Variants in GPR158 observed in about 807,000 individuals in gnomAD.
GPR158 encodes the protein G protein-coupled receptor 158.
A neutral mutation model predicts 78.2 loss-of-function variants in GPR158; 30 were observed. The ratio of observed to expected loss-of-function variants is 0.38; its 90% CI spans 0.29 to 0.52. GPR158 has a LOEUF of 0.52. Ranked by LOEUF, GPR158 falls within the 20% of genes least tolerant of loss-of-function variation. GPR158 has a pLI of 0.83. For missense variants in GPR158, 1,463 were observed against 1,523.5 expected (o/e 0.96, Z 0.66); for synonymous variants, 581 against 591.1 (o/e 0.98, Z 0.25).
At chr10:25,490,549 T>C in intron 5 of GPR158, among the ~76,000 whole-genome samples, 1 of 147,092 alleles carries the variant, frequency 6.8e-6, no homozygotes, top group Admixed American at 6.9e-5. Context: ...GGTGTTTGGT[T>C]TTTTGTTCTT....
intron 2 of GPR158, among the ~76,000 whole-genome samples, chr10:25,333,498 C>A (rs1267970958): frequency 6.6e-6 from 1 of 152,146 alleles, no homozygotes; most frequent in African/African-American, 2.4e-5. Context: ...AATGTTAATT[C>A]TGTAGCATTT....
intron 6 of GPR158, among the ~76,000 whole-genome samples, chr10:25,554,760 G>A (rs1812197019): frequency 6.6e-6 from 1 of 152,140 alleles, no homozygotes; most frequent in Non-Finnish European, 1.5e-5. Flanking sequence ...TCGGGGTGAA[G>A]TGGCCTGTCC....
rs1405934269 is a variant in GPR158 at position 25,428,906 on chromosome 10, A to G, written c.1335+16433A>G. On this transcript the variant is annotated intron_variant, in intron 4 of 10. Coordinates refer to ENST00000376351, the MANE Select transcript of GPR158 (RefSeq NM_020752.3). ...TGCTAGGCTTGAAGTTTAGAGCAGT[A>G]TAATCATGCTTTTTGAATTAATTTC... is the stretch of plus-strand genomic sequence containing the variant. 1.4e-4 allele frequency among the ~76,000 whole-genome samples: 21 copies of G among 152,120 alleles called. 1 individual carries two copies. Among genetic ancestry groups the G allele is most frequent in the Admixed American group, 1.4e-3 (21 of 15,246 alleles).
intron 2 of GPR158, among the ~76,000 whole-genome samples, chr10:25,331,336 A>G (rs556270349): frequency 2.0e-5 from 3 of 152,300 alleles, no homozygotes; most frequent in South Asian, 4.1e-4. Flanking sequence ...AGGGATGACA[A>G]TTCTTCCTTA....
intron 2 of GPR158, among the ~76,000 whole-genome samples, chr10:25,375,159 A>T (rs909966316): frequency 2.0e-5 from 3 of 151,654 alleles, no homozygotes; most frequent in Admixed American, 2.0e-4. Context: ...ACATCTTTTC[A>T]TGTACTTATT....
In GPR158 at chr10:25,447,715, C is replaced by G. The variant is rs188590561; in HGVS notation, c.1336-18936C>G. 2.0e-5 allele frequency among the ~76,000 whole-genome samples: 3 copies of G among 152,316 alleles called. No individual in the cohort carries two copies. In the East Asian group the frequency reaches 5.8e-4, roughly 29 times the overall value. ...AAGTCTTGCAAATTGGTGGCACTGA[C>G]TTCATATATGTGAAGGTAATAAAGA... On this transcript the variant is annotated intron_variant, in intron 4 of 10. Transcript: ENST00000376351.
At chr10:25,394,509 GT>G (rs140329856) in intron 2 of GPR158, among the ~76,000 whole-genome samples, 6,727 of 152,184 alleles carry the variant, frequency 0.044, 178 homozygotes, top group African/African-American at 0.064. Flanking sequence ...TTTTTATTAG[GT>G]TCTGTACGCA....
At chr10:25,369,891 C>T (rs1407617329) in intron 2 of GPR158, among the ~76,000 whole-genome samples, 1 of 151,846 alleles carries the variant, frequency 6.6e-6, no homozygotes, top group Admixed American at 6.6e-5. Flanking sequence ...CTGGTTTAGT[C>T]TTGGGAGAGT....
intron 5 of GPR158, among the ~76,000 whole-genome samples, chr10:25,532,513 A>T (rs180703998): frequency 3.4e-4 from 52 of 152,026 alleles, no homozygotes; most frequent in African/African-American, 1.2e-3. Context: ...AGTTCTTAAG[A>T]TTCTCTTGCT....
At chr10:25,416,103 A>G (rs926699889) in intron 4 of GPR158, among the ~76,000 whole-genome samples, 4 of 152,188 alleles carry the variant, frequency 2.6e-5, no homozygotes, top group Non-Finnish European at 4.4e-5. Context: ...GAAATAATCC[A>G]TGTAAAATAC....
intron 2 of GPR158, among the ~76,000 whole-genome samples, chr10:25,378,166 C>T (rs542719308): frequency 6.6e-6 from 1 of 152,068 alleles, no homozygotes; most frequent in African/African-American, 2.4e-5. Flanking sequence ...ACTTGTCTAA[C>T]CAGCATTCAG....
intron 2 of GPR158, among the ~76,000 whole-genome samples, chr10:25,293,757 T>TG (rs1305156128): frequency 1.3e-5 from 2 of 152,042 alleles, no homozygotes; most frequent in Non-Finnish European, 2.9e-5. Context: ...TTTTTTTTTT[T>TG]TTTTCTGAGA....
chr10:25,472,485 T>A (rs537181850), intron 5 of GPR158, among the ~76,000 whole-genome samples: 47 of 152,358 alleles, frequency 3.1e-4, no homozygotes, highest in Non-Finnish European at 4.4e-4. Context: ...AATAGTTTTT[T>A]CCATTTCTGT....
chr10:25,476,501 C>A (rs1375312998), intron 5 of GPR158, among the ~76,000 whole-genome samples: 2 of 136,580 alleles, frequency 1.5e-5, no homozygotes, highest in Non-Finnish European at 3.1e-5. Context: ...GGTTGTTCCT[C>A]CCTACCCCGG....
intron 2 of GPR158, among the ~76,000 whole-genome samples, chr10:25,321,619 G>C (rs1237203490): frequency 2.6e-5 from 4 of 150,952 alleles, no homozygotes; most frequent in Non-Finnish European, 5.9e-5. Flanking sequence ...TTTTAATAAA[G>C]AATGCTTATA....
At chr10:25,452,514 G>A (rs184538501) in intron 4 of GPR158, among the ~76,000 whole-genome samples, 5 of 152,246 alleles carry the variant, frequency 3.3e-5, no homozygotes, top group Admixed American at 2.0e-4. Flanking sequence ...AGCATGTCAT[G>A]GCACTTGTCA....
At position 25,379,913 on chromosome 10, in the gene GPR158, C is replaced by T. The variant is rs560508741; in HGVS notation, c.1009-15998C>T. On this transcript the variant is annotated intron_variant, in intron 2 of 10. Transcript: ENST00000376351. The stretch of plus-strand genomic sequence containing the variant: ...CCTCCTTTTTTTTTTTACCTTGGAT[C>T]TTGGTCCCTCCATTTTGGCTTCACA... Among the ~76,000 whole-genome samples, 5 of 150,520 alleles carry T rather than the reference C, an allele frequency of 3.3e-5. No homozygotes were observed. In the East Asian group the frequency reaches 9.7e-4, roughly 29 times the overall value.
intron 5 of GPR158, among the ~76,000 whole-genome samples, chr10:25,525,111 G>C (rs1427651991): frequency 6.6e-6 from 1 of 152,074 alleles, no homozygotes; most frequent in African/African-American, 2.4e-5. Context: ...AAAAAAGATA[G>C]ATAAAAAAGA....
intron 2 of GPR158, among the ~76,000 whole-genome samples, chr10:25,326,603 A>G (rs1441146242): frequency 6.6e-6 from 1 of 152,168 alleles, no homozygotes; most frequent in Non-Finnish European, 1.5e-5. Flanking sequence ...GCCAGGAGAT[A>G]GGGGCTGGGG....
Sources: allele counts gnomAD v4.1 joint callset (sites outside exome capture counted in the v4.1 genomes callset), GRCh38; gene constraint gnomAD v4.1.1; transcripts MANE v1.5; gene names NCBI Gene and HGNC (gene_info 2026-07-23, HGNC 2026-07-21).